The following MAD1L1 variants were observed in gnomAD, a reference collection of about 807,000 sequenced individuals.
MAD1L1 encodes the protein mitotic spindle assembly checkpoint protein MAD1.
MAD1L1 carries 95 observed loss-of-function variants against 96.9 expected under a neutral mutation model. The observed-to-expected ratio is 0.98, with a 90% CI of 0.83 to 1.16. MAD1L1 has a LOEUF of 1.16. Ranked by LOEUF, MAD1L1 falls within the 50% of genes most tolerant of loss-of-function variation. The pLI is 0.00. For missense variants in MAD1L1, 1,007 were observed against 954.4 expected (o/e 1.06, Z -0.73); for synonymous variants, 473 against 396.6 (o/e 1.19, Z -2.29).
At chr7:1,917,434 C>G (rs868788807) in intron 17 of MAD1L1, among the ~76,000 whole-genome samples, 6 of 152,332 alleles carry the variant, frequency 3.9e-5, no homozygotes, top group South Asian at 4.1e-4. Flanking sequence ...GCGCACCTCC[C>G]CTCCAGACAG....
In MAD1L1 at chr7:2,127,995, G is replaced by C. The variant is rs547564970; in HGVS notation, c.1073+21157C>G. 2.6e-5 allele frequency among the ~76,000 whole-genome samples: 4 copies of C among 152,270 alleles called. No homozygotes were observed. In the South Asian group the frequency reaches 8.3e-4, roughly 32 times the overall value. The stretch of plus-strand genomic sequence containing the variant: ...TCCACCTCTCGGAACTTCATGATGA[G>C]AACAAATGGATGAAAGGCCCTGACA... On this transcript the variant is annotated intron_variant, in intron 11 of 18. Coordinates refer to ENST00000265854, the MANE Select transcript of MAD1L1 (RefSeq NM_001013836.2).
At chr7:1,877,245 G>A (rs1785432183) in intron 18 of MAD1L1, among the ~76,000 whole-genome samples, 1 of 152,110 alleles carries the variant, frequency 6.6e-6, no homozygotes, top group South Asian at 2.1e-4. Context: ...AAGTTTTACT[G>A]GCACACATTT....
chr7:1,887,889 G>GTGCATGCGTGGTTGCA (rs1209170947), intron 18 of MAD1L1, among the ~76,000 whole-genome samples: 3 of 152,056 alleles, frequency 2.0e-5, no homozygotes, highest in Non-Finnish European at 2.9e-5. Flanking sequence ...GCGTGTGTGT[G>GTGCATGCGTGGTTGCA]GCTGCCTGTG....
chr7:2,047,286 G>A (rs924247407), intron 12 of MAD1L1, among the ~76,000 whole-genome samples: 8 of 152,290 alleles, frequency 5.3e-5, no homozygotes, highest in South Asian at 2.1e-4. Flanking sequence ...AAAACCCACC[G>A]GCACGAGGAA....
At chr7:2,199,016 G>C (rs1008046723) in intron 10 of MAD1L1, among the ~76,000 whole-genome samples, 1 of 152,134 alleles carries the variant, frequency 6.6e-6, no homozygotes, top group Non-Finnish European at 1.5e-5. Flanking sequence ...CAGTCCTCCC[G>C]GCCTTGGGCG....
At chr7:1,912,336 G>C (rs115115589) in intron 17 of MAD1L1, among the ~76,000 whole-genome samples, 2,356 of 152,354 alleles carry the variant, frequency 0.015, 56 homozygotes, top group African/African-American at 0.055. Flanking sequence ...GGGAACATGA[G>C]CTGAGAAACT....
chr7:1,934,240 C>G (rs1281057013), intron 17 of MAD1L1, among the ~76,000 whole-genome samples: 1 of 152,230 alleles, frequency 6.6e-6, no homozygotes, highest in African/African-American at 2.4e-5. Context: ...CCTGACTTCT[C>G]CATGGTCAGC....
intron 11 of MAD1L1, 76 bp downstream of exon 11, chr7:2,149,076 G>T: frequency 7.6e-7 from 1 of 1,309,468 alleles, no homozygotes; most frequent in Non-Finnish European, 1.1e-6. Flanking sequence ...AAGAGCCAGG[G>T]GGCACACACT....
At chr7:2,129,454 A>T (rs1443490164) in intron 11 of MAD1L1, among the ~76,000 whole-genome samples, 10 of 152,178 alleles carry the variant, frequency 6.6e-5, no homozygotes, top group Admixed American at 2.0e-4. Flanking sequence ...CCTGCTAGGC[A>T]GCGCCCCTCC....
intron 5 of MAD1L1, among the ~76,000 whole-genome samples, chr7:2,219,830 C>T (rs1435302285): frequency 6.6e-6 from 1 of 152,128 alleles, no homozygotes; most frequent in Admixed American, 6.5e-5. Flanking sequence ...CACAAGCCAC[C>T]CAGGAGCTGA....
intron 5 of MAD1L1, chr7:2,221,059 G>A: frequency 2.5e-6 from 4 of 1,601,892 alleles, no homozygotes; most frequent in Non-Finnish European, 2.6e-6. Context: ...CTAGTGCGCA[G>A]GGAGGGCTTC....
intron 18 of MAD1L1, among the ~76,000 whole-genome samples, chr7:1,858,616 G>A (rs773604175): frequency 4.6e-5 from 7 of 152,230 alleles, no homozygotes; most frequent in Non-Finnish European, 8.8e-5. Flanking sequence ...CCTACCTGGC[G>A]GGGCTGCTAG....
intron 12 of MAD1L1, among the ~76,000 whole-genome samples, chr7:2,037,895 C>T (rs1209624668): frequency 1.3e-5 from 2 of 152,158 alleles, no homozygotes; most frequent in Admixed American, 6.5e-5. Context: ...CATGTCTCTC[C>T]TTTAAACCAA....
Position 2,138,839 on chromosome 7 carries a change from C to A in MAD1L1, c.1073+10313G>T, listed in dbSNP as rs563323284. On this transcript the variant is annotated intron_variant, in intron 11 of 18. Coordinates refer to ENST00000265854, the MANE Select transcript of MAD1L1 (RefSeq NM_001013836.2). ...CCAGTGACAGAGACCACAGACCCCA[C>A]TCCTGCAAACAATGCCGCCATTCCC... is the stretch of plus-strand genomic sequence containing the variant. Among the ~76,000 whole-genome samples the A allele has an allele frequency of 1.3e-4, 20 of 152,332 alleles. No homozygotes were observed. The East Asian group carries it at 3.9e-3, about 29-fold the overall frequency.
intron 11 of MAD1L1, among the ~76,000 whole-genome samples, chr7:2,143,977 A>G (rs1212517535): frequency 6.6e-6 from 1 of 152,176 alleles, no homozygotes; most frequent in Non-Finnish European, 1.5e-5. Flanking sequence ...AAACAGGCAA[A>G]ACAGCACCAG....
At chr7:2,157,554 G>A (rs1789907168) in intron 10 of MAD1L1, among the ~76,000 whole-genome samples, 1 of 152,172 alleles carries the variant, frequency 6.6e-6, no homozygotes, top group South Asian at 2.1e-4. Context: ...TGGGACACAG[G>A]GCAGAGGGTG....
At chr7:2,170,200 G>C (rs954833336) in intron 10 of MAD1L1, among the ~76,000 whole-genome samples, 1 of 152,166 alleles carries the variant, frequency 6.6e-6, no homozygotes, top group East Asian at 1.9e-4. Context: ...TAGCCAGAGA[G>C]AGCCCCTGAG....
At chr7:2,008,614 G>A (rs915733129) in intron 13 of MAD1L1, among the ~76,000 whole-genome samples, 19 of 152,342 alleles carry the variant, frequency 1.2e-4, no homozygotes, top group Admixed American at 1.3e-4. Context: ...GGGAACACCA[G>A]ATGCCAAGCC....
intron 14 of MAD1L1, among the ~76,000 whole-genome samples, chr7:1,999,418 G>A (rs758154131): frequency 1.3e-5 from 2 of 152,020 alleles, no homozygotes; most frequent in Non-Finnish European, 2.9e-5. Flanking sequence ...TCCCTCCACT[G>A]CGCTCCCCTG....
Sources: allele counts gnomAD v4.1 joint callset (sites outside exome capture counted in the v4.1 genomes callset), GRCh38; gene constraint gnomAD v4.1.1; transcripts MANE v1.5; gene names NCBI Gene and HGNC (gene_info 2026-07-23, HGNC 2026-07-21).